GNAQ: variants seen among roughly 807,000 people sequenced by gnomAD.
GNAQ encodes the protein G protein subunit alpha q, also known as guanine nucleotide-binding protein G(q) subunit alpha.
A neutral mutation model predicts 43.9 loss-of-function variants in GNAQ; 8 were observed. The ratio of observed to expected loss-of-function variants is 0.18; its 90% confidence interval spans 0.11 to 0.33. The LOEUF is 0.33. Among genes scored for constraint, GNAQ ranks in the 10% least tolerant of loss-of-function variants. The probability of loss-of-function intolerance (pLI) is 1.00; values close to 1 mark genes in which losing one functional copy is unlikely to be tolerated. For missense variants in GNAQ, 158 were observed against 450.8 expected (o/e 0.35, Z 5.88); for synonymous variants, 155 against 170.7 (o/e 0.91, Z 0.71).
intron 2 of GNAQ, among the ~76,000 whole-genome samples, chr9:77,832,080 T>G (rs1349595788): frequency 8.3e-6 from 1 of 120,370 alleles, no homozygotes; most frequent in Non-Finnish European, 2.0e-5. Context: ...TTGGAGAGAT[T>G]AGAGCACTTT....
chr9:77,969,234 A>G (rs1437494301), intron 1 of GNAQ, among the ~76,000 whole-genome samples: 1 of 152,142 alleles, frequency 6.6e-6, no homozygotes, highest in Non-Finnish European at 1.5e-5. Flanking sequence ...CAGGTGGTAA[A>G]TACAACTGTG....
chr9:77,861,236 T>C (rs1183734816), intron 2 of GNAQ, among the ~76,000 whole-genome samples: 2 of 152,162 alleles, frequency 1.3e-5, no homozygotes, highest in African/African-American at 2.4e-5. Context: ...ATCACAAGAA[T>C]AGCCCAGGAA....
At chr9:78,002,825 A>G (rs951794668) in intron 1 of GNAQ, among the ~76,000 whole-genome samples, 3 of 152,296 alleles carry the variant, frequency 2.0e-5, no homozygotes, top group Non-Finnish European at 4.4e-5. Flanking sequence ...TTCTATCATC[A>G]TATCAACTAC....
chr9:77,993,483 G>A (rs570773715), intron 1 of GNAQ, among the ~76,000 whole-genome samples: 14 of 152,224 alleles, frequency 9.2e-5, no homozygotes, highest in African/African-American at 3.4e-4. Context: ...CAGATCACGA[G>A]GTCAGAAGTT....
intron 5 of GNAQ, among the ~76,000 whole-genome samples, chr9:77,736,763 G>A (rs779403781): frequency 2.0e-5 from 3 of 152,044 alleles, no homozygotes; most frequent in African/African-American, 4.8e-5. Context: ...GAGCCAGAAC[G>A]TGAGTGACAG....
intron 6 of GNAQ, 117 bp downstream of exon 6, chr9:77,728,397 G>A (rs1825432953): frequency 6.9e-6 from 5 of 728,152 alleles, no homozygotes; most frequent in Non-Finnish European, 9.7e-6. Flanking sequence ...GTTTCAACAC[G>A]CAGGCTGCAC....
intron 2 of GNAQ, among the ~76,000 whole-genome samples, chr9:77,864,168 CT>C (rs113840423): frequency 0.067 from 8,816 of 131,318 alleles, 259 homozygotes; most frequent in African/African-American, 0.083. Flanking sequence ...AGGTGCCAGG[CT>C]TTTTTTTTTT....
chr9:77,971,824 G>A (rs1823240271), intron 1 of GNAQ, among the ~76,000 whole-genome samples: 1 of 152,152 alleles, frequency 6.6e-6, no homozygotes, highest in African/African-American at 2.4e-5. Flanking sequence ...TCTTATTCCT[G>A]AGCAGTGGTT....
chr9:77,856,524 G>A (rs10521480), intron 2 of GNAQ, among the ~76,000 whole-genome samples: 90,245 of 151,934 alleles, frequency 0.59, 28,064 homozygotes, highest in Middle Eastern at 0.71. Context: ...ATACACAATA[G>A]TTTACAATTG....
intron 5 of GNAQ, among the ~76,000 whole-genome samples, chr9:77,777,404 A>G (rs1196491357): frequency 1.3e-5 from 2 of 152,078 alleles, no homozygotes; most frequent in Non-Finnish European, 2.9e-5. Context: ...TTGGGAGAAA[A>G]CATAGGTGTA....
At chr9:77,777,360 T>C (rs926002955) in intron 5 of GNAQ, among the ~76,000 whole-genome samples, 4 of 152,000 alleles carry the variant, frequency 2.6e-5, no homozygotes, top group Non-Finnish European at 4.4e-5. Context: ...ATGAACAATA[T>C]ACTAAAATGT....
rs546999142 is a variant in GNAQ at position 77,960,766 on chromosome 9, C to T, written c.137-38421G>A. Among the ~76,000 whole-genome samples the T allele has an allele frequency of 4.7e-5, 7 of 148,940 alleles. No homozygotes were observed. In the South Asian group the frequency reaches 1.6e-3, roughly 34 times the overall value. On this transcript the variant is annotated intron_variant, in intron 1 of 6. Transcript: ENST00000286548. ...AAACCACAAAGAATCTAAAGTATCA[C>T]TTTAACCTAAAAAAAATGATCTATT...
In GNAQ at chr9:77,814,054, A is replaced by G. The variant is rs1202887061; in HGVS notation, c.476+1562T>C. Among the ~76,000 whole-genome samples, 3 of 152,160 alleles carry G rather than the reference A, an allele frequency of 2.0e-5. No homozygotes were observed. In the East Asian group the frequency reaches 5.8e-4, roughly 29 times the overall value. On this transcript the variant is annotated intron_variant, in intron 3 of 6. Coordinates refer to ENST00000286548, the MANE Select transcript of GNAQ (RefSeq NM_002072.5). The stretch of plus-strand genomic sequence containing the variant: ...GAGACATAATGAATGGGAACAGGGA[A>G]TGATGGATGAGACAGCAGCAACATG...
intron 1 of GNAQ, among the ~76,000 whole-genome samples, chr9:78,021,400 T>C (rs1823907595): frequency 6.6e-6 from 1 of 152,212 alleles, no homozygotes; most frequent in African/African-American, 2.4e-5. Context: ...GCATTAGATA[T>C]ATTTTAAGGC....
intron 5 of GNAQ, among the ~76,000 whole-genome samples, chr9:77,749,472 A>ATGTCT (rs1459616862): frequency 6.6e-6 from 1 of 152,216 alleles, no homozygotes; most frequent in Non-Finnish European, 1.5e-5. Flanking sequence ...TTTCCCAGGA[A>ATGTCT]TGTCTTGTAC....
At chr9:77,862,628 T>C (rs1263718850) in intron 2 of GNAQ, among the ~76,000 whole-genome samples, 1 of 152,198 alleles carries the variant, frequency 6.6e-6, no homozygotes, top group African/African-American at 2.4e-5. Context: ...CCTCCAGGTT[T>C]GTTATAGGAG....
At chr9:77,880,555 G>GTTTTTTT (rs55926441) in intron 2 of GNAQ, among the ~76,000 whole-genome samples, 14 of 141,474 alleles carry the variant, frequency 9.9e-5, no homozygotes, top group Middle Eastern at 3.7e-3. Context: ...GATTTTTTCT[G>GTTTTTTT]TTTTTTTTTT....
At chr9:78,022,722 C>T (rs1241691201) in intron 1 of GNAQ, among the ~76,000 whole-genome samples, 2 of 152,160 alleles carry the variant, frequency 1.3e-5, no homozygotes, top group Non-Finnish European at 2.9e-5. Flanking sequence ...GGAAATGGGT[C>T]ATCTCTCTAG....
chr9:77,870,628 G>T (rs1400862629), intron 2 of GNAQ, among the ~76,000 whole-genome samples: 1 of 151,818 alleles, frequency 6.6e-6, no homozygotes, highest in East Asian at 1.9e-4. Context: ...CCCCGCCTTT[G>T]GTGCTAGTTT....
Sources: allele counts gnomAD v4.1 joint callset (sites outside exome capture counted in the v4.1 genomes callset), GRCh38; gene constraint gnomAD v4.1.1; transcripts MANE v1.5; gene names NCBI Gene and HGNC (gene_info 2026-07-23, HGNC 2026-07-21).